Variants in GAK observed in about 807,000 individuals in gnomAD.
GAK encodes cyclin G associated kinase.
In GAK, 79 loss-of-function variants were observed where a neutral mutation model predicts 143.9. The observed-to-expected ratio is 0.55, with a 90% CI of 0.46 to 0.66. The LOEUF (loss-of-function observed/expected upper bound fraction) is 0.66, where lower values mean the gene tolerates loss of function less well. GAK is among the 30% of genes least tolerant of loss of function. The pLI is 0.00. For missense variants in GAK, 1,693 were observed against 1,779.7 expected, an observed-to-expected ratio of 0.95 and a Z score of 0.88; for synonymous variants, 881 against 765.5, an observed-to-expected ratio of 1.15 and a Z score of -2.49.
rs778412049 is a variant in GAK, at chr4:865,237, C to T, written c.3051G>A (p.Leu1017=). The change falls in exon 23 of 28, where the codon CTG becomes CTA. Residue 1017 remains leucine, a synonymous_variant. Coordinates refer to ENST00000314167, the MANE Select transcript of GAK (RefSeq NM_005255.4). ...CSADFLHLGD[L]PGEPSKMTAS... is the part of the protein sequence containing the mutation. The stretch of plus-strand genomic sequence containing the variant: ...CTGTCATCTTGCTGGGCTCTCCTGG[C>T]AGATCCCCTGGGAAGAAGGAACCAG... 3 of 1,613,346 alleles carry T rather than the reference C, an allele frequency of 1.9e-6. No individual in the cohort carries two copies. Among genetic ancestry groups the T allele is most frequent in the Non-Finnish European group, 2.5e-6 (3 of 1,179,848 alleles).
intron 9 of GAK, among the ~76,000 whole-genome samples, chr4:892,542 C>A (rs958323955): frequency 6.6e-6 from 1 of 152,236 alleles, no homozygotes; most frequent in East Asian, 1.9e-4. Flanking sequence ...AGGCCTCACA[C>A]TTCCACAAAG....
chr4:902,605 A>AAAAAAAAAAAAAAAAAAAAAAAAAC, intron 5 of GAK, among the ~76,000 whole-genome samples: 1 of 130,378 alleles, frequency 7.7e-6, no homozygotes, highest in Non-Finnish European at 1.7e-5. Context: ...TCAAAAAAAA[A>AAAAAAAAAAAAAAAAAAAAAAAAAC]AAAAAAAAAC....
intron 24 of GAK, chr4:853,295 G>A (rs1748512620): frequency 6.6e-6 from 1 of 152,282 alleles, no homozygotes; most frequent in African/African-American, 2.4e-5. Context: ...CTGGGTTGAT[G>A]CCACTGTTTG....
chr4:902,845 A>G (rs1260661808), intron 5 of GAK, among the ~76,000 whole-genome samples: 1 of 152,236 alleles, frequency 6.6e-6, no homozygotes, highest in African/African-American at 2.4e-5. Context: ...CAAACACACA[A>G]GCCAGTGGAA....
At chr4:924,247 G>A (rs545197415) in intron 1 of GAK, among the ~76,000 whole-genome samples, 2 of 150,116 alleles carry the variant, frequency 1.3e-5, no homozygotes, top group Non-Finnish European at 3.0e-5. Flanking sequence ...CAATGAGATC[G>A]ACACCACTGC....
intron 18 of GAK, among the ~76,000 whole-genome samples, chr4:874,358 G>C (rs369153881): frequency 5.3e-5 from 8 of 152,272 alleles, no homozygotes; most frequent in African/African-American, 1.7e-4. Flanking sequence ...TAGGCTGCAG[G>C]CTTTGCAGGC....
At chr4:849,834 A>AACC (rs1747758992) in intron 27 of GAK, 58 bp downstream of exon 27, 4 of 942,246 alleles carry the variant, frequency 4.2e-6, no homozygotes, top group Non-Finnish European at 6.3e-6. Context: ...GCGGGGCAGG[A>AACC]CCCCCCCCCC....
intron 4 of GAK, 46 bp from the exon 5 acceptor site, chr4:904,825 G>C (rs2152915435): frequency 1.3e-6 from 2 of 1,596,216 alleles, no homozygotes; most frequent in East Asian, 2.3e-5. Flanking sequence ...ACAGGGTCCG[G>C]AGACAGGGAA....
At position 898,169 on chromosome 4, in the gene GAK, C is replaced by A; in HGVS notation, c.526-11G>T. ...CAACAAGTTCTCAACCTGTAAAATT[C>A]CACAAGACAGCCCCGTGAACTTGGC... On this transcript the variant is annotated splice_polypyrimidine_tract_variant and intron_variant, in intron 5 of 27. Coordinates refer to ENST00000314167, the MANE Select transcript of GAK (RefSeq NM_005255.4). 6.2e-7 allele frequency: 1 copy of A among 1,613,702 alleles called. No individual in the cohort carries two copies. Among genetic ancestry groups the A allele is most frequent in the East Asian group, 2.2e-5 (1 of 44,882 alleles).
Position 877,212 on chromosome 4 carries a change from G to T in GAK, c.1857-5C>A. The T allele has an allele frequency of 6.3e-7, 1 of 1,598,344 alleles. No individual in the cohort carries two copies. ...CCATCTTCAATCTTAAAGTCCCTAA[G>T]GACAGAATGACAAGAGAAAAATTTT... On this transcript the variant is annotated splice_polypyrimidine_tract_variant and splice_region_variant and intron_variant, in intron 16 of 27. Coordinates refer to ENST00000314167, the MANE Select transcript of GAK (RefSeq NM_005255.4).
chr4:869,406 T>C (rs1249555749), intron 19 of GAK: 1 of 125,266 alleles, frequency 8.0e-6, no homozygotes, highest in African/African-American at 3.2e-5. Context: ...AGATGCACGG[T>C]ACACATGAAT....
At position 888,879 on chromosome 4, in the gene GAK, G is replaced by A. The variant is rs897861497; in HGVS notation, c.1173C>T (p.Asp391=). 29 of 1,610,474 alleles carry A rather than the reference G, an allele frequency of 1.8e-5. No homozygotes were observed. Among genetic ancestry groups the A allele is most frequent in the Admixed American group, 5.0e-5 (3 of 59,546 alleles). ...CGGACTGGATGACCTTGGAGGAGGT[G>A]TCCTTGAGGTTGGTGAAGAGCCGCT... ...GTERLFTNLK[D]TSSKVIQSVA... Residue 391 remains aspartate (D), a synonymous_variant, in exon 11 of 28, where the codon GAC becomes GAT. Transcript: ENST00000314167.
intron 27 of GAK, 59 bp from the exon 28 acceptor site, chr4:849,833 G>GGGCCCCCCCCCCC: frequency 5.0e-6 from 6 of 1,190,136 alleles, no homozygotes; most frequent in Non-Finnish European, 5.8e-6. Flanking sequence ...GGCGGGGCAG[G>GGGCCCCCCCCCCC]ACCCCCCCCC....
In GAK at chr4:911,766, T is replaced by G. The variant is rs750306385; in HGVS notation, c.289A>C (p.Asn97His). ...GCTGCAGAACAAAACTGGACAATGTTCGGGTGGCCGGAAAGCTTTTTCTGC... is the reference window on the plus strand; with the variant it reads ...GCTGCAGAACAAAACTGGACAATGTGCGGGTGGCCGGAAAGCTTTTTCTGC... ...CFMKKLSGHP[N>H]IVQFCSAASI... is the part of the protein sequence containing the mutation. Residue 97 changes from asparagine (N) to histidine (H), a missense_variant, in exon 4 of 28, where the codon AAC becomes CAC. Physicochemically the swap from Asn to His is moderately conservative, Grantham distance 68. Around this residue, in one of 2 missense-constraint regions of GAK, gnomAD observed 871 missense variants for 991.0 expected, o/e 0.88. Transcript: ENST00000314167. The G allele has an allele frequency of 2.5e-6, 4 of 1,613,956 alleles. No individual in the cohort carries two copies. Among genetic ancestry groups the G allele is most frequent in the Admixed American group, 1.7e-5 (1 of 60,018 alleles).
chr4:868,160 G>A (rs544412363), intron 20 of GAK, among the ~76,000 whole-genome samples: 13 of 152,228 alleles, frequency 8.5e-5, no homozygotes, highest in African/African-American at 3.1e-4. Flanking sequence ...CACTGGGGGT[G>A]TGGGCAAAGA....
chr4:859,475 G>T, intron 24 of GAK, 131 bp downstream of exon 24: 2 of 1,602,422 alleles, frequency 1.2e-6, no homozygotes, highest in Non-Finnish European at 1.7e-6. Context: ...TGGGCTCACT[G>T]TGCTCTGGGC....
At chr4:890,102 C>A (rs1290506716) in intron 10 of GAK, among the ~76,000 whole-genome samples, 1 of 152,242 alleles carries the variant, frequency 6.6e-6, no homozygotes, top group Non-Finnish European at 1.5e-5. Flanking sequence ...ACCTGGGATG[C>A]CCCCTCCAGC....
rs190065330 is a variant in GAK, at chr4:859,153, G to C, written c.3283+453C>G. On this transcript the variant is annotated intron_variant, in intron 24 of 27. Coordinates refer to ENST00000314167, the MANE Select transcript of GAK (RefSeq NM_005255.4). Reference sequence around the variant, plus strand: ...CCGGGGCCGGGCCTGAGGCAGACGTGGGACCGGAGACTCAGACCACAGCGC... The same window carrying C: ...CCGGGGCCGGGCCTGAGGCAGACGTCGGACCGGAGACTCAGACCACAGCGC... 82 of 983,182 alleles carry C rather than the reference G, an allele frequency of 8.3e-5. No individual in the cohort carries two copies. The African/African-American group carries it at 1.3e-3, about 15-fold the overall frequency. 60.9% of individuals were successfully genotyped at this position (983,182 alleles called of 1,614,324 possible). A position where few individuals can be genotyped will look rare whatever the true frequency, so the allele number is the denominator to read the frequency against.
intron 15 of GAK, among the ~76,000 whole-genome samples, chr4:878,397 G>C (rs1714430390): frequency 6.6e-6 from 1 of 152,192 alleles, no homozygotes; most frequent in Admixed American, 6.5e-5. Context: ...TGACAGCATA[G>C]TTTGTCTGAT....
Sources: allele counts gnomAD v4.1 joint callset (sites outside exome capture counted in the v4.1 genomes callset), GRCh38; gene constraint gnomAD v4.1.1; regional missense constraint gnomAD v4.1.1; transcripts MANE v1.5; gene names NCBI Gene and HGNC (gene_info 2026-07-23, HGNC 2026-07-21).